The following RB1 variants were observed in gnomAD, a reference collection of about 807,000 sequenced individuals.
RB1 encodes retinoblastoma-associated protein.
In RB1, 18 loss-of-function variants were observed where a neutral mutation model predicts 135.4. That is an observed-to-expected ratio of 0.13 (90% confidence interval 0.09 to 0.20). The LOEUF is 0.20. Ranked by LOEUF, RB1 falls within the 10% of genes least tolerant of loss-of-function variation. The probability of loss-of-function intolerance (pLI) is 1.00; values close to 1 mark genes in which losing one functional copy is unlikely to be tolerated. For missense variants in RB1, 868 were observed against 1,110.0 expected, an observed-to-expected ratio of 0.78 and a Z score of 3.10; for synonymous variants, 365 against 373.2, an observed-to-expected ratio of 0.98 and a Z score of 0.25.
intron 2 of RB1, among the ~76,000 whole-genome samples, chr13:48,323,168 A>C (rs1467672942): frequency 6.6e-6 from 1 of 152,072 alleles, no homozygotes; most frequent in Non-Finnish European, 1.5e-5. Context: ...CTCTGTGGAA[A>C]GTTTCAAAAT....
intron 17 of RB1, among the ~76,000 whole-genome samples, chr13:48,395,020 C>G (rs1948637086): frequency 6.6e-6 from 1 of 152,170 alleles, no homozygotes; most frequent in Non-Finnish European, 1.5e-5. Context: ...CTGGTGGGTA[C>G]CCCTCTGGGA....
intron 17 of RB1, chr13:48,429,520 C>T (rs1046635114): frequency 6.6e-6 from 1 of 152,020 alleles, no homozygotes; most frequent in Non-Finnish European, 1.5e-5. Context: ...TCTGTCCTCA[C>T]CCTGCACATA....
At chr13:48,445,755 G>C (rs1031201590) in intron 17 of RB1, among the ~76,000 whole-genome samples, 2 of 152,074 alleles carry the variant, frequency 1.3e-5, no homozygotes, top group Non-Finnish European at 2.9e-5. Context: ...CTTCTCACCA[G>C]ACCCTGAGCA....
At chr13:48,364,443 A>G (rs930197742) in intron 8 of RB1, among the ~76,000 whole-genome samples, 1 of 152,188 alleles carries the variant, frequency 6.6e-6, no homozygotes, top group Admixed American at 6.5e-5. Context: ...AATTTTCCTA[A>G]TATTTTCTTT....
intron 2 of RB1, among the ~76,000 whole-genome samples, chr13:48,311,630 T>C (rs758586415): frequency 6.6e-6 from 1 of 152,258 alleles, no homozygotes; most frequent in Non-Finnish European, 1.5e-5. Context: ...GTTTTACTAA[T>C]TATTGAGGGA....
chr13:48,421,857 G>A (rs916473523), intron 17 of RB1, among the ~76,000 whole-genome samples: 52 of 152,264 alleles, frequency 3.4e-4, no homozygotes, highest in Non-Finnish European at 6.5e-4. Context: ...TTATTAAAAC[G>A]TCAGGAAACA....
chr13:48,393,727 T>C (rs1423430912), intron 17 of RB1, among the ~76,000 whole-genome samples: 1 of 152,238 alleles, frequency 6.6e-6, no homozygotes, highest in African/African-American at 2.4e-5. Flanking sequence ...GAGGGGTGCT[T>C]ACTATATGGA....
At chr13:48,312,959 C>T (rs560193814) in intron 2 of RB1, among the ~76,000 whole-genome samples, 1 of 152,146 alleles carries the variant, frequency 6.6e-6, no homozygotes, top group South Asian at 2.1e-4. Context: ...GTAACACCCT[C>T]CCATGCTCCC....
chr13:48,456,375 C>A (rs2138331801), intron 19 of RB1, 26 bp downstream of exon 19: 3 of 1,612,136 alleles, frequency 1.9e-6, no homozygotes, highest in Non-Finnish European at 2.5e-6. Context: ...TTTTCAAGAG[C>A]ATGGACTCTG....
At chr13:48,474,334 C>G (rs887272367) in intron 24 of RB1, among the ~76,000 whole-genome samples, 2 of 152,090 alleles carry the variant, frequency 1.3e-5, no homozygotes, top group Non-Finnish European at 2.9e-5. Context: ...TAGCTAGGTA[C>G]CCACCAAGTA....
In RB1 at chr13:48,480,114, C is replaced by A. The variant is rs371663196; in HGVS notation, c.*43C>A. ...TGGACACTGTGTACACCTCTGGATT[C>A]ATTGTCTCTCACAGATGTGACTGTA... On this transcript the variant is annotated 3_prime_UTR_variant, in exon 27 of 27. Transcript: ENST00000267163. 1 of 1,486,416 alleles carries A rather than the reference C, an allele frequency of 6.7e-7. No individual in the cohort carries two copies. Among genetic ancestry groups the A allele is most frequent in the South Asian group, 1.1e-5 (1 of 87,472 alleles). 92.1% of individuals were successfully genotyped at this position (1,486,416 alleles called of 1,614,324 possible).
At chr13:48,380,960 C>T (rs937848974) in intron 16 of RB1, among the ~76,000 whole-genome samples, 1 of 152,152 alleles carries the variant, frequency 6.6e-6, no homozygotes, top group African/African-American at 2.4e-5. Context: ...ATGCCAATGG[C>T]TGATAAGATA....
chr13:48,364,177 A>G (rs544330074), intron 8 of RB1, among the ~76,000 whole-genome samples: 1 of 152,328 alleles, frequency 6.6e-6, no homozygotes, highest in East Asian at 1.9e-4. Context: ...TTAATTACAT[A>G]TATTAGAAAA....
In RB1 at chr13:48,326,933, AT is replaced by A. The variant is rs555561475; in HGVS notation, c.265-15665del. Among the ~76,000 whole-genome samples, 87 of 152,268 alleles carry A rather than the reference AT, an allele frequency of 5.7e-4. 1 individual carries two copies. Among genetic ancestry groups the A allele is most frequent in the African/African-American group, 2.0e-3 (85 of 41,582 alleles). Reference sequence around the variant, plus strand: ...CCTACAATACACAAATTCACAAAGTATGTGTGGTGAGATTCCAAAAAATGTT... The same window carrying A: ...CCTACAATACACAAATTCACAAAGTAGTGTGGTGAGATTCCAAAAAATGTT... On this transcript the variant is annotated intron_variant, in intron 2 of 26. Coordinates refer to ENST00000267163, the MANE Select transcript of RB1 (RefSeq NM_000321.3).
intron 16 of RB1, 41 bp from the exon 17 acceptor site, chr13:48,381,206 T>A (rs144996130): frequency 6.4e-7 from 1 of 1,556,050 alleles, no homozygotes; most frequent in Non-Finnish European, 8.7e-7. Context: ...AGCTCAAGGG[T>A]TAATATTTCA....
rs781339334 is a variant in RB1, at chr13:48,373,368, A to G, written c.1128-37A>G. The G allele has an allele frequency of 4.6e-6, 6 of 1,290,572 alleles. No individual in the cohort carries two copies. In the South Asian group the frequency reaches 4.9e-5, roughly 10 times the overall value. 79.9% of individuals were successfully genotyped at this position (1,290,572 alleles called of 1,614,324 possible). ...TCATTTTTTCTTTTTTTCTCCCTTCATTGCTTAACACATTTTCCTATTTTT... is the reference window on the plus strand; with the variant it reads ...TCATTTTTTCTTTTTTTCTCCCTTCGTTGCTTAACACATTTTCCTATTTTT... On this transcript the variant is annotated intron_variant, in intron 11 of 26. Coordinates refer to ENST00000267163, the MANE Select transcript of RB1 (RefSeq NM_000321.3).
intron 6 of RB1, among the ~76,000 whole-genome samples, chr13:48,356,118 C>A (rs4608234): frequency 6.6e-6 from 1 of 152,010 alleles, no homozygotes; most frequent in Non-Finnish European, 1.5e-5. Context: ...ATACCCCATT[C>A]TGCATAATGT....
At chr13:48,370,605 GA>G (rs1566195448) in intron 11 of RB1, among the ~76,000 whole-genome samples, 5 of 152,224 alleles carry the variant, frequency 3.3e-5, no homozygotes, top group Admixed American at 6.5e-5. Flanking sequence ...CAGATGTAAA[GA>G]TGCATAGGAT....
intron 17 of RB1, among the ~76,000 whole-genome samples, chr13:48,415,013 A>G (rs1948884499): frequency 6.6e-6 from 1 of 152,020 alleles, no homozygotes; most frequent in African/African-American, 2.4e-5. Flanking sequence ...TATTTGGTTC[A>G]GTATGTTTTA....
Sources: allele counts gnomAD v4.1 joint callset (sites outside exome capture counted in the v4.1 genomes callset), GRCh38; gene constraint gnomAD v4.1.1; transcripts MANE v1.5; gene names NCBI Gene and HGNC (gene_info 2026-07-23, HGNC 2026-07-21).